RNF11: variants seen among roughly 807,000 people sequenced by gnomAD.
RNF11 encodes the protein ring finger protein 11.
RNF11 carries 4 observed loss-of-function variants against 15.8 expected under a neutral mutation model. That is an observed-to-expected ratio of 0.25 (90% CI 0.12 to 0.58). RNF11 has a LOEUF of 0.58. Among genes scored for constraint, RNF11 ranks in the 20% least tolerant of loss-of-function variants. RNF11 has a pLI of 0.91. For synonymous variants in RNF11, 68 were observed against 72.3 expected (o/e 0.94, Z 0.30); for missense variants, 139 against 194.4 (o/e 0.71, Z 1.70).
intron 1 of RNF11, among the ~76,000 whole-genome samples, chr1:51,239,196 G>C (rs1314738200): frequency 6.6e-6 from 1 of 151,942 alleles, no homozygotes; most frequent in Admixed American, 6.6e-5. Context: ...TCTTTGACTT[G>C]TTCTCTTTCT....
chr1:51,257,267 A>G (rs1054764050), intron 1 of RNF11, among the ~76,000 whole-genome samples: 8 of 152,148 alleles, frequency 5.3e-5, no homozygotes, highest in African/African-American at 1.7e-4. Flanking sequence ...TCGCATGAGG[A>G]TAAGACTTAT....
chr1:51,239,690 C>T (rs1403651097), intron 1 of RNF11, among the ~76,000 whole-genome samples: 2 of 152,158 alleles, frequency 1.3e-5, no homozygotes, highest in Non-Finnish European at 2.9e-5. Flanking sequence ...ACTGGGATTA[C>T]AGGCGTTAGC....
intron 1 of RNF11, among the ~76,000 whole-genome samples, chr1:51,254,093 A>T (rs777313513): frequency 6.6e-6 from 1 of 152,250 alleles, no homozygotes; most frequent in South Asian, 2.1e-4. Flanking sequence ...ACAATAAAGC[A>T]TACCTCTTTG....
Position 51,236,843 on chromosome 1 carries a change from G to C in RNF11, c.87G>C (p.Gly29=). The C allele has an allele frequency of 5.0e-6, 8 of 1,611,754 alleles. No homozygotes were observed. The highest frequency in any genetic ancestry group is 6.8e-6 in the Non-Finnish European group (8 of 1,179,066). The change falls in exon 1 of 3, where the codon GGG becomes GGC. Residue 29 remains glycine, a synonymous_variant. Coordinates refer to ENST00000242719, the MANE Select transcript of RNF11 (RefSeq NM_014372.5). ...SQSDRASFGE[G]TEPDQEPPPP... is the part of the protein sequence containing the mutation. ...CCGACCGGGCTAGCTTTGGCGAGGG[G>C]ACGGAGCCGGATCAGGAGCCGCCGC...
Position 51,272,080 on chromosome 1 carries a change from C to T in RNF11, c.*758C>T, listed in dbSNP as rs1490819777. The T allele has an allele frequency of 6.6e-6, 1 of 152,292 alleles. No homozygotes were observed. The highest frequency in any genetic ancestry group is 2.4e-5 in the African/African-American group (1 of 41,348). 9.4% of individuals were successfully genotyped at this position (152,292 alleles called of 1,614,324 possible). A position where few individuals can be genotyped will look rare whatever the true frequency, so the allele number is the denominator to read the frequency against. On this transcript the variant is annotated 3_prime_UTR_variant, in exon 3 of 3. Coordinates refer to ENST00000242719, the MANE Select transcript of RNF11 (RefSeq NM_014372.5). ...CTATTAAGGTGGGGTTTAATATTAC[C>T]CTTTCCTATGTGTTTTATCTAATTA... is the stretch of plus-strand genomic sequence containing the variant.
intron 1 of RNF11, among the ~76,000 whole-genome samples, chr1:51,238,348 C>T (rs910472521): frequency 5.9e-5 from 9 of 152,138 alleles, no homozygotes; most frequent in Non-Finnish European, 1.3e-4. Context: ...TCCTTGTAAT[C>T]GCCTCCTTCA....
intron 1 of RNF11, among the ~76,000 whole-genome samples, chr1:51,239,579 A>C (rs947519628): frequency 1.6e-4 from 25 of 152,136 alleles, no homozygotes; most frequent in African/African-American, 5.8e-4. Context: ...CATTTATTTG[A>C]GTTGAGAATC....
chr1:51,249,419 T>A (rs565338533), intron 1 of RNF11, among the ~76,000 whole-genome samples: 7 of 152,292 alleles, frequency 4.6e-5, no homozygotes, highest in African/African-American at 1.7e-4. Context: ...CGTAGGCTAG[T>A]GCACTTGCAA....
chr1:51,258,269 A>G (rs1018532352), intron 1 of RNF11, among the ~76,000 whole-genome samples: 1 of 152,236 alleles, frequency 6.6e-6, no homozygotes, highest in Admixed American at 6.5e-5. Flanking sequence ...GACCACAGTT[A>G]ACTGAAACCT....
intron 1 of RNF11, among the ~76,000 whole-genome samples, chr1:51,246,293 A>G (rs1646851381): frequency 6.6e-6 from 1 of 151,922 alleles, no homozygotes; most frequent in South Asian, 2.1e-4. Flanking sequence ...AGAAGACGAC[A>G]GGCTGTGTGC....
chr1:51,253,715 G>T (rs943375231), intron 1 of RNF11, among the ~76,000 whole-genome samples: 13 of 152,106 alleles, frequency 8.5e-5, no homozygotes, highest in African/African-American at 2.4e-4. Flanking sequence ...AATGTTTAGG[G>T]TGCTATAATT....
intron 1 of RNF11, among the ~76,000 whole-genome samples, chr1:51,253,981 G>A (rs1270384912): frequency 1.3e-5 from 2 of 151,298 alleles, no homozygotes; most frequent in Non-Finnish European, 2.9e-5. Context: ...AAAAAAAAAA[G>A]GGAAGGAATT....
intron 1 of RNF11, among the ~76,000 whole-genome samples, chr1:51,239,334 G>A (rs1335077992): frequency 6.6e-6 from 1 of 152,066 alleles, no homozygotes; most frequent in African/African-American, 2.4e-5. Context: ...ACTTTTTTTG[G>A]AAATGTTATA....
At chr1:51,258,718 C>T (rs1441022638) in intron 1 of RNF11, among the ~76,000 whole-genome samples, 2 of 152,152 alleles carry the variant, frequency 1.3e-5, no homozygotes, top group Non-Finnish European at 2.9e-5. Context: ...TTAGTGTCCC[C>T]GTGTCTTCTT....
intron 1 of RNF11, among the ~76,000 whole-genome samples, chr1:51,241,270 T>A (rs986172971): frequency 2.0e-5 from 3 of 152,128 alleles, no homozygotes; most frequent in Non-Finnish European, 4.4e-5. Context: ...TTAAAAAAAA[T>A]TTATTTCCTT....
intron 1 of RNF11, among the ~76,000 whole-genome samples, chr1:51,243,563 C>T (rs1438095784): frequency 6.6e-6 from 1 of 152,078 alleles, no homozygotes; most frequent in African/African-American, 2.4e-5. Flanking sequence ...CTCAGCCTCC[C>T]GAGTAGCTGG....
At position 51,273,265 on chromosome 1, in the gene RNF11, G is replaced by A. The variant is rs1266834220; in HGVS notation, c.*1943G>A. 3.3e-5 allele frequency: 5 copies of A among 152,000 alleles called. No individual in the cohort carries two copies. Among genetic ancestry groups the A allele is most frequent in the African/African-American group, 2.4e-5 (1 of 41,410 alleles). 9.4% of individuals were successfully genotyped at this position (152,000 alleles called of 1,614,324 possible). ...AACTTTTTTAAAAATCATCTTCCAT[G>A]TTGCAGTTAGTCTTTCTTTTCATTA... On this transcript the variant is annotated 3_prime_UTR_variant, in exon 3 of 3. Coordinates refer to ENST00000242719, the MANE Select transcript of RNF11 (RefSeq NM_014372.5).
intron 1 of RNF11, among the ~76,000 whole-genome samples, chr1:51,237,120 T>G (rs1037639112): frequency 6.6e-6 from 1 of 152,154 alleles, no homozygotes; most frequent in African/African-American, 2.4e-5. Context: ...TCAGAGTATG[T>G]GATCACATCC....
intron 1 of RNF11, chr1:51,251,440 GCC>G: frequency 1.3e-6 from 1 of 794,360 alleles, no homozygotes; most frequent in Non-Finnish European, 2.0e-6. Context: ...GGGCCTCCGG[GCC>G]CCCCCCCGCT....
Sources: allele counts gnomAD v4.1 joint callset (sites outside exome capture counted in the v4.1 genomes callset), GRCh38; gene constraint gnomAD v4.1.1; transcripts MANE v1.5; gene names NCBI Gene and HGNC (gene_info 2026-07-23, HGNC 2026-07-21).